VAPA: variants seen among roughly 807,000 people sequenced by gnomAD.
VAPA encodes the protein VAMP associated protein A.
In VAPA, 6 loss-of-function variants were observed where a neutral mutation model predicts 25.6. That is an observed-to-expected ratio of 0.23 (90% CI 0.13 to 0.46). The LOEUF (loss-of-function observed/expected upper bound fraction) is 0.46, where lower values mean the gene tolerates loss of function less well. Ranked by LOEUF, VAPA falls within the 20% of genes least tolerant of loss-of-function variation. The pLI is 0.99. For synonymous variants in VAPA, 112 were observed against 106.2 expected (o/e 1.05, Z -0.34); for missense variants, 244 against 302.1 (o/e 0.81, Z 1.43).
rs544602516 is a variant in VAPA, at chr18:9,914,356, C to T, written c.79+21C>T. 81 of 1,560,190 alleles carry T rather than the reference C, an allele frequency of 5.2e-5. No homozygotes were observed. The Middle Eastern group carries it at 6.9e-4, about 13-fold the overall frequency. ...CAAAGGTAGGCAGAACGGGGACACC[C>T]CCGGGTGGGGTGGGGCGCGCGGACC... On this transcript the variant is annotated intron_variant, in intron 1 of 5. Coordinates refer to ENST00000400000, the MANE Select transcript of VAPA (RefSeq NM_194434.3).
intron 4 of VAPA, among the ~76,000 whole-genome samples, chr18:9,940,173 T>A (rs1028987309): frequency 6.6e-6 from 1 of 152,264 alleles, no homozygotes; most frequent in Non-Finnish European, 1.5e-5. Context: ...TCTATATTGA[T>A]AAAACTCATG....
intron 4 of VAPA, among the ~76,000 whole-genome samples, chr18:9,941,020 G>A (rs1238712834): frequency 6.6e-6 from 1 of 152,006 alleles, no homozygotes; most frequent in Non-Finnish European, 1.5e-5. Context: ...AGGTGAGCTT[G>A]GAAAAATACT....
At position 9,914,146 on chromosome 18, in the gene VAPA, G is replaced by T; in HGVS notation, c.-111G>T. ...CGGCAGGCGTTAGGGCTCGGGAGCCGCGAGCCTGGCCTCGTCCTAGAGCTC... is the reference window on the plus strand; with the variant it reads ...CGGCAGGCGTTAGGGCTCGGGAGCCTCGAGCCTGGCCTCGTCCTAGAGCTC... On this transcript the variant is annotated 5_prime_UTR_variant, in exon 1 of 6. Coordinates refer to ENST00000400000, the MANE Select transcript of VAPA (RefSeq NM_194434.3). 1.1e-6 allele frequency: 1 copy of T among 941,104 alleles called. No individual in the cohort carries two copies. The highest frequency in any genetic ancestry group is 1.5e-6 in the Non-Finnish European group (1 of 656,290). 58.3% of individuals were successfully genotyped at this position (941,104 alleles called of 1,614,324 possible).
At chr18:9,914,464 T>G in intron 1 of VAPA, 129 bp downstream of exon 1, 3 of 731,204 alleles carry the variant, frequency 4.1e-6, no homozygotes, top group East Asian at 3.7e-5. Context: ...CCCCGGCGCC[T>G]TCCCTTTCCC....
At chr18:9,941,182 A>G (rs2069363399) in intron 4 of VAPA, among the ~76,000 whole-genome samples, 1 of 151,892 alleles carries the variant, frequency 6.6e-6, no homozygotes, top group African/African-American at 2.4e-5. Flanking sequence ...CTGAAAAAAT[A>G]TACTTTGGGA....
At position 9,955,507 on chromosome 18, in the gene VAPA, T is replaced by G. The variant is rs1400078218; in HGVS notation, c.*1296T>G. On this transcript the variant is annotated 3_prime_UTR_variant, in exon 6 of 6. Coordinates refer to ENST00000400000, the MANE Select transcript of VAPA (RefSeq NM_194434.3). ...TCAGAAAATAGATCCAGTGTTTAGC[T>G]ACATACAATCTAGTACAAGTGAATT... 6.6e-6 allele frequency: 1 copy of G among 152,218 alleles called. No homozygotes were observed. The highest frequency in any genetic ancestry group is 1.5e-5 in the Non-Finnish European group (1 of 68,018). The allele number at this position is 152,218 out of a possible 1,614,324, so 9.4% of individuals were successfully genotyped here.
intron 1 of VAPA, among the ~76,000 whole-genome samples, chr18:9,920,561 G>A (rs55717429): frequency 0.054 from 8,268 of 152,328 alleles, 267 homozygotes; most frequent in South Asian, 0.14. Flanking sequence ...GCCTCCCAAA[G>A]TGTTGGGATG....
intron 5 of VAPA, 118 bp downstream of exon 5, chr18:9,950,686 T>C: frequency 9.6e-7 from 1 of 1,041,910 alleles, no homozygotes; most frequent in African/African-American, 1.6e-5. Flanking sequence ...CTTTCTTCTT[T>C]GCCCCAGTGC....
intron 4 of VAPA, among the ~76,000 whole-genome samples, chr18:9,939,171 TTC>T (rs1368834767): frequency 1.3e-5 from 2 of 150,124 alleles, no homozygotes; most frequent in Admixed American, 6.6e-5. Flanking sequence ...CAAATAGTTC[TTC>T]TTTTTTTTTT....
At position 9,936,110 on chromosome 18, in the gene VAPA, T is replaced by G; in HGVS notation, c.233T>G (p.Val78Gly). The G allele has an allele frequency of 6.3e-7, 1 of 1,592,630 alleles. No individual in the cohort carries two copies. ...IDPGSTVTVS[V>G]MLQPFDYDPN... ...AATATATCCTTTTTTTCTTATTTAG[T>G]AATGCTACAGCCCTTTGACTATGAT... is the stretch of plus-strand genomic sequence containing the variant. The change falls in exon 3 of 6, where the codon GTA becomes GGA. Residue 78 changes from valine to glycine, a missense_variant and splice_region_variant. Around this residue, in one of 2 missense-constraint regions of VAPA, gnomAD observed 99 missense variants for 161.6 expected, o/e 0.61. Transcript: ENST00000400000.
intron 1 of VAPA, among the ~76,000 whole-genome samples, chr18:9,923,656 A>G (rs1286279203): frequency 1.3e-5 from 2 of 152,192 alleles, no homozygotes; most frequent in Admixed American, 6.5e-5. Flanking sequence ...TTCCTGTGAA[A>G]AAATTTTACT....
intron 4 of VAPA, among the ~76,000 whole-genome samples, chr18:9,939,659 G>T (rs1432181011): frequency 6.6e-6 from 1 of 151,356 alleles, no homozygotes; most frequent in South Asian, 2.1e-4. Context: ...GGTATTTCCT[G>T]TGATCGAAAG....
chr18:9,935,518 T>C (rs1317549051), intron 2 of VAPA, among the ~76,000 whole-genome samples: 5 of 152,216 alleles, frequency 3.3e-5, no homozygotes, highest in Non-Finnish European at 7.3e-5. Context: ...GAGGCTACAG[T>C]GAGCTGAGAT....
At chr18:9,937,637 G>GTT (rs1193568192) in intron 4 of VAPA, among the ~76,000 whole-genome samples, 5 of 152,170 alleles carry the variant, frequency 3.3e-5, no homozygotes, top group African/African-American at 1.2e-4. Context: ...AAAATAGTCT[G>GTT]TGAATGTACC....
At chr18:9,936,728 G>GAAAAAAAA in intron 3 of VAPA, 1 of 402,220 alleles carries the variant, frequency 2.5e-6, no homozygotes, top group South Asian at 4.8e-5. Flanking sequence ...TGGAAAAAAA[G>GAAAAAAAA]AAAGAAATGC....
chr18:9,937,513 A>G (rs1270475079), intron 4 of VAPA, among the ~76,000 whole-genome samples: 2 of 152,160 alleles, frequency 1.3e-5, no homozygotes, highest in East Asian at 1.9e-4. Flanking sequence ...TTTTTAGTCA[A>G]ATCCATCTGA....
chr18:9,936,247 G>A (rs781460583), intron 3 of VAPA, 34 bp downstream of exon 3: 9 of 1,457,160 alleles, frequency 6.2e-6, no homozygotes, highest in Non-Finnish European at 7.5e-6. Context: ...TTTGGGAAGT[G>A]GAGTTTAAAC....
intron 2 of VAPA, among the ~76,000 whole-genome samples, chr18:9,934,465 G>C (rs1380838077): frequency 6.6e-6 from 1 of 152,172 alleles, no homozygotes; most frequent in Admixed American, 6.5e-5. Flanking sequence ...GTATTCTGAG[G>C]CATTTTATCC....
chr18:9,926,638 C>T (rs1208409074), intron 1 of VAPA, among the ~76,000 whole-genome samples: 2 of 152,124 alleles, frequency 1.3e-5, no homozygotes, highest in Non-Finnish European at 2.9e-5. Context: ...ATGCTACTCA[C>T]ATAGTGAGTT....
Sources: gnomAD v4.1 joint callset for allele counts (sites outside exome capture counted in the v4.1 genomes callset) on GRCh38, gnomAD v4.1.1 for gene constraint, gnomAD v4.1.1 regional missense constraint, MANE v1.5 for transcripts, NCBI Gene and HGNC (gene_info 2026-07-23, HGNC 2026-07-21) for gene names.